The following BRINP1 variants were observed in gnomAD, a reference collection of about 807,000 sequenced individuals.
BRINP1 encodes the protein BMP/retinoic acid inducible neural specific 1.
Under a neutral mutation model 72.9 loss-of-function variants are expected in BRINP1, and 17 were observed. The observed-to-expected ratio is 0.23, with a 90% confidence interval of 0.16 to 0.35. The LOEUF (loss-of-function observed/expected upper bound fraction) is 0.35, where lower values mean the gene tolerates loss of function less well. Among genes scored for constraint, BRINP1 ranks in the 10% least tolerant of loss-of-function variants. The pLI, the probability that BRINP1 is intolerant of heterozygous loss-of-function variation, is 1.00. For synonymous variants in BRINP1, 418 were observed against 378.5 expected (o/e 1.10, Z -1.21); for missense variants, 850 against 1,001.6 (o/e 0.85, Z 2.04).
In BRINP1 at chr9:119,167,054, C is replaced by T; in HGVS notation, c.*30G>A. 6 of 1,559,922 alleles carry T rather than the reference C, an allele frequency of 3.8e-6. No homozygotes were observed. Among genetic ancestry groups the T allele is most frequent in the Non-Finnish European group, 4.3e-6 (5 of 1,150,894 alleles). On this transcript the variant is annotated 3_prime_UTR_variant, in exon 8 of 8. Coordinates refer to ENST00000265922, the MANE Select transcript of BRINP1 (RefSeq NM_014618.3). This position sits in a 1 kb window ranked among gnomAD's most constrained non-coding sequence, Gnocchi z 4.3. ...TTGTTCTGTTGTGTGTGTACAACAACAGGAAAAGTCCATGGCAAGGAGTCC... is the reference window on the plus strand; with the variant it reads ...TTGTTCTGTTGTGTGTGTACAACAATAGGAAAAGTCCATGGCAAGGAGTCC...
At chr9:119,223,093 C>T (rs1830057219) in intron 5 of BRINP1, among the ~76,000 whole-genome samples, 1 of 152,044 alleles carries the variant, frequency 6.6e-6, no homozygotes, top group African/African-American at 2.4e-5. Context: ...CTCCTGTTCA[C>T]ATTTTGCCTT....
At chr9:119,298,224 C>G (rs1285174646) in intron 2 of BRINP1, among the ~76,000 whole-genome samples, 1 of 152,174 alleles carries the variant, frequency 6.6e-6, no homozygotes, top group Non-Finnish European at 1.5e-5. Flanking sequence ...CAAAGTCCGT[C>G]CCTCATGCCT....
At chr9:119,216,322 A>G (rs1391020706) in intron 5 of BRINP1, among the ~76,000 whole-genome samples, 1 of 152,198 alleles carries the variant, frequency 6.6e-6, no homozygotes, top group African/African-American at 2.4e-5. Context: ...AAGGGATTCT[A>G]GCAGATTAAG....
chr9:119,169,967 A>G (rs1396460506), intron 7 of BRINP1, among the ~76,000 whole-genome samples: 4 of 152,212 alleles, frequency 2.6e-5, no homozygotes, highest in Admixed American at 6.5e-5. Context: ...CATCCACACC[A>G]AAAACCCACC....
intron 1 of BRINP1, among the ~76,000 whole-genome samples, chr9:119,350,440 T>G (rs375934765): frequency 3.2e-4 from 48 of 152,214 alleles, no homozygotes; most frequent in Non-Finnish European, 6.2e-4. Flanking sequence ...CCGCTCTCTA[T>G]CTCTTGGGTG....
At chr9:119,341,957 G>A (rs1831410737) in intron 1 of BRINP1, among the ~76,000 whole-genome samples, 1 of 151,926 alleles carries the variant, frequency 6.6e-6, no homozygotes, top group Non-Finnish European at 1.5e-5. Flanking sequence ...TAGTAGAGAC[G>A]GGGTTTTGCC....
intron 7 of BRINP1, among the ~76,000 whole-genome samples, chr9:119,180,478 CATGTGTGTGTGT>C (rs143626375): frequency 0.082 from 9,834 of 120,356 alleles, 967 homozygotes; most frequent in African/African-American, 0.27. Context: ...TCTCTCTGTG[CATGTGTGTGTGT>C]GTGTGTGTGT....
chr9:119,179,868 G>C (rs1829533254), intron 7 of BRINP1, among the ~76,000 whole-genome samples: 1 of 152,212 alleles, frequency 6.6e-6, no homozygotes, highest in African/African-American at 2.4e-5. Context: ...CCCCCTGCAG[G>C]TTCTGTCTTT....
intron 7 of BRINP1, among the ~76,000 whole-genome samples, chr9:119,198,674 T>A (rs1588161598): frequency 2.0e-4 from 1 of 4,996 alleles, no homozygotes; most frequent in Admixed American, 2.8e-3. Flanking sequence ...AAATATTAAT[T>A]TTTTTTTTTT....
chr9:119,280,348 C>T (rs1054976632), intron 2 of BRINP1, among the ~76,000 whole-genome samples: 3 of 151,632 alleles, frequency 2.0e-5, no homozygotes, highest in Non-Finnish European at 4.4e-5. Context: ...ATACCATTCT[C>T]CTGCCTCAGT....
At chr9:119,174,809 C>A (rs1488814332) in intron 7 of BRINP1, among the ~76,000 whole-genome samples, 1 of 151,036 alleles carries the variant, frequency 6.6e-6, no homozygotes, top group Non-Finnish European at 1.5e-5. Context: ...GAGTTCATGT[C>A]CTTTGTAGGG....
At position 119,293,921 on chromosome 9, in the gene BRINP1, A is replaced by G. The variant is rs1011685085; in HGVS notation, c.218+19217T>C. ...TTAGCTGAGTAATTAGACAAGAAAA[A>G]TTAAATACATAAAAGTAATAAAAGT... On this transcript the variant is annotated intron_variant, in intron 2 of 7. Coordinates refer to ENST00000265922, the MANE Select transcript of BRINP1 (RefSeq NM_014618.3). Among the ~76,000 whole-genome samples, 11 of 152,312 alleles carry G rather than the reference A, an allele frequency of 7.2e-5. No individual in the cohort carries two copies. The East Asian group carries it at 2.1e-3, about 29-fold the overall frequency.
chr9:119,192,349 A>G (rs1276825318), intron 7 of BRINP1, among the ~76,000 whole-genome samples: 1 of 152,070 alleles, frequency 6.6e-6, no homozygotes, highest in African/African-American at 2.4e-5. Flanking sequence ...CAAACCACAT[A>G]CAAGAGATTA....
intron 7 of BRINP1, among the ~76,000 whole-genome samples, chr9:119,204,419 C>T (rs1829832169): frequency 1.3e-5 from 2 of 152,092 alleles, no homozygotes; most frequent in Non-Finnish European, 2.9e-5. Flanking sequence ...TAATTGACCT[C>T]TCACTAAATC....
At chr9:119,318,844 G>GGGGGGT (rs111313745) in intron 1 of BRINP1, among the ~76,000 whole-genome samples, 57 of 142,236 alleles carry the variant, frequency 4.0e-4, no homozygotes, top group African/African-American at 1.1e-3. Flanking sequence ...AAATGTGTGG[G>GGGGGGT]GTGTGTGTGT....
chr9:119,166,656 T>TTATC lies in BRINP1; in HGVS notation c.*424_*427dup, dbSNP rs1209437185. 2 of 155,926 alleles carry TTATC rather than the reference T, an allele frequency of 1.3e-5. No homozygotes were observed. Among genetic ancestry groups the TTATC allele is most frequent in the Non-Finnish European group, 2.8e-5 (2 of 70,458 alleles). The allele number at this position is 155,926 out of a possible 1,614,324, so 9.7% of individuals were successfully genotyped here. A position where few individuals can be genotyped will look rare whatever the true frequency, so the allele number is the denominator to read the frequency against. On this transcript the variant is annotated 3_prime_UTR_variant, in exon 8 of 8. Coordinates refer to ENST00000265922, the MANE Select transcript of BRINP1 (RefSeq NM_014618.3). ...AATCTTAACCGAAGAAATATCTTCT[T>TTATC]TATCTATGTCCATTTCCTCCAAAAA...
At chr9:119,350,777 T>C (rs571034972) in intron 1 of BRINP1, among the ~76,000 whole-genome samples, 1 of 152,140 alleles carries the variant, frequency 6.6e-6, no homozygotes, top group East Asian at 1.9e-4. Flanking sequence ...ATCTTCAAAA[T>C]AAAAACTGTA....
At chr9:119,175,122 AAAAAAAAAAAGAC>A (rs1454842828) in intron 7 of BRINP1, among the ~76,000 whole-genome samples, 95 of 150,246 alleles carry the variant, frequency 6.3e-4, no homozygotes, top group African/African-American at 2.3e-3. Flanking sequence ...TAAAGTATAA[AAAAAAAAAAAGAC>A]AAAAAAAAAA....
chr9:119,346,078 A>G (rs764651129), intron 1 of BRINP1, among the ~76,000 whole-genome samples: 1 of 152,168 alleles, frequency 6.6e-6, no homozygotes, highest in Non-Finnish European at 1.5e-5. Flanking sequence ...TTTATATCAC[A>G]TTAAATGTAC....
Sources: gnomAD v4.1 joint callset for allele counts (sites outside exome capture counted in the v4.1 genomes callset) on GRCh38, gnomAD v4.1.1 for gene constraint, Gnocchi (gnomAD v3.1) non-coding constraint, MANE v1.5 for transcripts, NCBI Gene and HGNC (gene_info 2026-07-23, HGNC 2026-07-21) for gene names.